Variants in CCDC47 observed in about 807,000 individuals in gnomAD.
CCDC47 encodes PAT complex subunit CCDC47.
Under a neutral mutation model 60.5 loss-of-function variants are expected in CCDC47, and 41 were observed. That is an observed-to-expected ratio of 0.68 (90% CI 0.53 to 0.88). CCDC47 has a LOEUF of 0.88. CCDC47 is among the 40% of genes least tolerant of loss of function. The pLI, the probability that CCDC47 is intolerant of heterozygous loss-of-function variation, is 0.00. For missense variants in CCDC47, 513 were observed against 580.9 expected (o/e 0.88, Z 1.20); for synonymous variants, 195 against 190.7 (o/e 1.02, Z -0.18).
chr17:63,764,432 C>T (rs1487811710), intron 3 of CCDC47, among the ~76,000 whole-genome samples: 10 of 152,194 alleles, frequency 6.6e-5, no homozygotes, highest in Admixed American at 5.2e-4. Flanking sequence ...CTTTGTTTTA[C>T]ACTTGGTCCT....
chr17:63,764,563 GA>G lies in CCDC47; in HGVS notation c.372+176del, dbSNP rs1177445423. Among the ~76,000 whole-genome samples, 6 of 150,732 alleles carry G rather than the reference GA, an allele frequency of 4.0e-5. No homozygotes were observed. The East Asian group carries it at 1.2e-3, about 29-fold the overall frequency. ...AATAGGGGTTGCTTCTGTAGGTGTTGATTTTTTTTTTTTTGAGACGGAGAGG... is the reference window on the plus strand; with the variant it reads ...AATAGGGGTTGCTTCTGTAGGTGTTGTTTTTTTTTTTTTGAGACGGAGAGG... On this transcript the variant is annotated intron_variant, in intron 3 of 12. Coordinates refer to ENST00000225726, the MANE Select transcript of CCDC47 (RefSeq NM_020198.3).
At chr17:63,756,113 T>C (rs1000851005) in intron 8 of CCDC47, 127 bp downstream of exon 8, 2 of 644,548 alleles carry the variant, frequency 3.1e-6, no homozygotes, top group African/African-American at 3.6e-5. Context: ...ATTTTAATAT[T>C]TGTGTGGGAA....
At chr17:63,763,989 A>G in intron 4 of CCDC47, 27 bp downstream of exon 4, 11 of 1,551,010 alleles carry the variant, frequency 7.1e-6, no homozygotes, top group South Asian at 1.3e-5. Context: ...TCAAGCAAGA[A>G]GCTGGGCTGA....
rs992954953 is a variant in CCDC47, at chr17:63,747,144, T to A, written c.1372-183A>T. ...ATAAAAATAATTGCCAATATCTACA[T>A]TAGTGAATAAAAATTAAATCAACTT... On this transcript the variant is annotated intron_variant, in intron 12 of 12. Coordinates refer to ENST00000225726, the MANE Select transcript of CCDC47 (RefSeq NM_020198.3). 2.5e-5 allele frequency: 25 copies of A among 981,398 alleles called. No homozygotes were observed. In the South Asian group the frequency reaches 1.1e-3, roughly 43 times the overall value. The allele number at this position is 981,398 out of a possible 1,614,324, so 60.8% of individuals were successfully genotyped here.
At chr17:63,759,473 A>G (rs2039232465) in intron 6 of CCDC47, among the ~76,000 whole-genome samples, 1 of 106,926 alleles carries the variant, frequency 9.4e-6, no homozygotes, top group African/African-American at 3.6e-5. Context: ...TGGGTGATAG[A>G]GTGAGATTCT....
chr17:63,767,678 G>A lies in CCDC47; in HGVS notation c.-19-1484C>T, dbSNP rs2039306921. Among the ~76,000 whole-genome samples, 3 of 151,778 alleles carry A rather than the reference G, an allele frequency of 2.0e-5. No homozygotes were observed. The South Asian group carries it at 6.2e-4, about 32-fold the overall frequency. ...GATAGTAAATATTCTAGGCTTCATG[G>A]GGTACATACTGGTCTCTGCTGCATA... On this transcript the variant is annotated intron_variant, in intron 1 of 12. Transcript: ENST00000225726.
rs1598309226 is a variant in CCDC47, at chr17:63,760,916, C to G, written c.733G>C (p.Val245Leu). The change falls in exon 6 of 13, where the codon GTG (valine) becomes CTG (leucine). Residue 245 changes from valine (V) to leucine (L), a missense_variant and splice_region_variant. Coordinates refer to ENST00000225726, the MANE Select transcript of CCDC47 (RefSeq NM_020198.3). Reference protein sequence around the residue: ...ARMMRPVSDQVQIKVTMNDED... With the variant: ...ARMMRPVSDQLQIKVTMNDED... ...AAACCAGCGGGAAGAATACATACCA[C>G]TTGATCACTCACTGGCCTCATCATC... 3.7e-6 allele frequency: 6 copies of G among 1,608,420 alleles called. No homozygotes were observed. The highest frequency in any genetic ancestry group is 5.1e-6 in the Non-Finnish European group (6 of 1,175,390).
intron 12 of CCDC47, among the ~76,000 whole-genome samples, chr17:63,748,494 G>A (rs899920800): frequency 6.6e-6 from 1 of 151,924 alleles, no homozygotes; most frequent in East Asian, 1.9e-4. Context: ...GCGCAATCCC[G>A]ACTCACTGCA....
At chr17:63,759,909 A>G (rs900918590) in intron 6 of CCDC47, among the ~76,000 whole-genome samples, 43 of 151,368 alleles carry the variant, frequency 2.8e-4, no homozygotes, top group Admixed American at 1.3e-3. Flanking sequence ...ACTAAAATAC[A>G]AAAAATTGGC....
chr17:63,771,934 T>G (rs1216536454), intron 1 of CCDC47, among the ~76,000 whole-genome samples: 1 of 151,816 alleles, frequency 6.6e-6, no homozygotes, highest in East Asian at 2.0e-4. Flanking sequence ...ATACAAAAAT[T>G]AGCCGGGCGT....
intron 12 of CCDC47, 43 bp downstream of exon 12, chr17:63,751,897 C>A: frequency 6.2e-7 from 1 of 1,605,036 alleles, no homozygotes; most frequent in Non-Finnish European, 8.5e-7. Context: ...AAGCAGTCAT[C>A]CTTACAAATC....
At chr17:63,762,141 C>G in intron 4 of CCDC47, 1 of 984,794 alleles carries the variant, frequency 1.0e-6, no homozygotes, top group Non-Finnish European at 1.2e-6. Context: ...TGTATTTTAA[C>G]TCTAGAAAAA....
In CCDC47 at chr17:63,772,473, T is replaced by A. The variant is rs2039353986; in HGVS notation, c.-20+939A>T. On this transcript the variant is annotated intron_variant, in intron 1 of 12. Transcript: ENST00000225726. Reference sequence around the variant, plus strand: ...TTTCACTGTGTTAGCCAGGATGGTCTCGATCTCCTGACCTCGTGATCCACC... The same window carrying A: ...TTTCACTGTGTTAGCCAGGATGGTCACGATCTCCTGACCTCGTGATCCACC... 1.3e-5 allele frequency among the ~76,000 whole-genome samples: 2 copies of A among 152,090 alleles called. 1 individual carries two copies. Among genetic ancestry groups the A allele is most frequent in the South Asian group, 4.1e-4 (2 of 4,824 alleles).
In CCDC47 at chr17:63,759,531, A is replaced by T. The variant is rs867897607; in HGVS notation, c.735+1383T>A. 1.1e-4 allele frequency among the ~76,000 whole-genome samples: 2 copies of T among 18,448 alleles called. 1 individual carries two copies. Among genetic ancestry groups the T allele is most frequent in the Non-Finnish European group, 2.1e-4 (2 of 9,550 alleles). The allele number at this position is 18,448 out of a possible 152,430, so 12.1% of individuals were successfully genotyped here. On this transcript the variant is annotated intron_variant, in intron 6 of 12. Transcript: ENST00000225726. ...AAAATATATATATATATATATTTATATATATATATATATATATATATATAT... is the reference window on the plus strand; with the variant it reads ...AAAATATATATATATATATATTTATTTATATATATATATATATATATATAT...
rs1167328863 is a variant in CCDC47, at chr17:63,756,316, G to A, written c.872C>T (p.Ala291Val). The change falls in exon 8 of 13, where the codon GCA (alanine) becomes GTA (valine). Residue 291 changes from alanine (A) to valine (V), a missense_variant. Ala to Val is a moderately conservative substitution (Grantham distance 64). Transcript: ENST00000225726. ...CAAAGAGTCCGGCAGTCCATACTTTGCTCCAGACTTAGGTTTATCACTACA... is the reference window on the plus strand; with the variant it reads ...CAAAGAGTCCGGCAGTCCATACTTTACTCCAGACTTAGGTTTATCACTACA... ...EFCSDKPKSG[A>V]KYGLPDSLAI... is the part of the protein sequence containing the mutation. 6.2e-7 allele frequency: 1 copy of A among 1,614,058 alleles called. No individual in the cohort carries two copies. Among genetic ancestry groups the A allele is most frequent in the Non-Finnish European group, 8.5e-7 (1 of 1,179,936 alleles).
At position 63,752,076 on chromosome 17, in the gene CCDC47, C is replaced by G. The variant is rs376653510; in HGVS notation, c.1235G>C (p.Arg412Pro). 13 of 1,613,786 alleles carry G rather than the reference C, an allele frequency of 8.1e-6. No individual in the cohort carries two copies. The highest frequency in any genetic ancestry group is 9.3e-6 in the Non-Finnish European group (11 of 1,180,004). The change falls in exon 12 of 13, where the codon CGA becomes CCA. Residue 412 changes from arginine to proline, a missense_variant. Coordinates refer to ENST00000225726, the MANE Select transcript of CCDC47 (RefSeq NM_020198.3). ...CAGTTTCAAGAAGTTCTCTTCTACT[C>G]GGGCACGGTTCTTATCTGCTTTTTG... ...GKQKADKNRARVEENFLKLTH... is the reference protein window; with the variant it reads ...GKQKADKNRAPVEENFLKLTH...
rs2039300932 is a variant in CCDC47 at position 63,766,766 on chromosome 17, G to A, written c.-19-572C>T. On this transcript the variant is annotated intron_variant, in intron 1 of 12. Coordinates refer to ENST00000225726, the MANE Select transcript of CCDC47 (RefSeq NM_020198.3). The stretch of plus-strand genomic sequence containing the variant: ...TTTAGGTTGGGTTTTCTAAAACTCT[G>A]TCCATTTACATAGAGTATTCAATAA... 6.5e-6 allele frequency: 6 copies of A among 927,574 alleles called. No homozygotes were observed. The Admixed American group carries it at 3.7e-4, about 57-fold the overall frequency. The allele number at this position is 927,574 out of a possible 1,614,324, so 57.5% of individuals were successfully genotyped here. A position where few individuals can be genotyped will look rare whatever the true frequency, so the allele number is the denominator to read the frequency against.
At chr17:63,755,705 T>G (rs954416117) in intron 8 of CCDC47, among the ~76,000 whole-genome samples, 1 of 152,024 alleles carries the variant, frequency 6.6e-6, no homozygotes, top group Non-Finnish European at 1.5e-5. Flanking sequence ...ACACAACCAA[T>G]AGAAAGAAAT....
chr17:63,761,827 G>T, intron 4 of CCDC47: 1 of 978,362 alleles, frequency 1.0e-6, no homozygotes, highest in Non-Finnish European at 1.2e-6. Flanking sequence ...AAATAGATTA[G>T]CACTGTTCGT....
Sources: gnomAD v4.1 joint callset for allele counts (sites outside exome capture counted in the v4.1 genomes callset) on GRCh38, gnomAD v4.1.1 for gene constraint, MANE v1.5 for transcripts, NCBI Gene and HGNC (gene_info 2026-07-23, HGNC 2026-07-21) for gene names.